TXK: variants seen among roughly 807,000 people sequenced by gnomAD.
TXK encodes the protein tyrosine-protein kinase TXK.
In TXK, 60 loss-of-function variants were observed where a neutral mutation model predicts 81.0. That is an observed-to-expected ratio of 0.74 (90% CI 0.60 to 0.92). The LOEUF (loss-of-function observed/expected upper bound fraction) is 0.92. TXK is among the 40% of genes least tolerant of loss of function. TXK has a pLI of 0.00. For missense variants in TXK, 581 were observed against 638.3 expected, an observed-to-expected ratio of 0.91 and a Z score of 0.97; for synonymous variants, 203 against 210.7, an observed-to-expected ratio of 0.96 and a Z score of 0.32.
At chr4:48,133,719 A>G (rs1719303844) in intron 1 of TXK, among the ~76,000 whole-genome samples, 1 of 152,180 alleles carries the variant, frequency 6.6e-6, no homozygotes, top group African/African-American at 2.4e-5. Flanking sequence ...TGCCTTAAAT[A>G]TAGATATTTA....
chr4:48,089,244 T>A (rs1410274595), intron 9 of TXK: 1 of 152,192 alleles, frequency 6.6e-6, no homozygotes. Context: ...CGGAAGCATT[T>A]CTCCCCAAAG....
intron 1 of TXK, among the ~76,000 whole-genome samples, chr4:48,127,942 G>C (rs1025725385): frequency 6.6e-6 from 1 of 152,156 alleles, no homozygotes; most frequent in African/African-American, 2.4e-5. Flanking sequence ...ATTGGGAACA[G>C]GTTTCCACCA....
At chr4:48,072,192 C>A (rs532538381) in intron 13 of TXK, among the ~76,000 whole-genome samples, 1 of 152,052 alleles carries the variant, frequency 6.6e-6, no homozygotes, top group East Asian at 1.9e-4. Context: ...TTAGTAGAGG[C>A]GGGGTTTCAC....
intron 8 of TXK, 96 bp downstream of exon 8, chr4:48,093,981 G>T: frequency 6.8e-7 from 1 of 1,465,216 alleles, no homozygotes; most frequent in Non-Finnish European, 9.5e-7. Context: ...TATTTCTATA[G>T]GGAGATTTGC....
At chr4:48,091,377 G>T (rs1191729680) in intron 8 of TXK, among the ~76,000 whole-genome samples, 1 of 152,180 alleles carries the variant, frequency 6.6e-6, no homozygotes, top group Non-Finnish European at 1.5e-5. Flanking sequence ...CACTGCAGAG[G>T]TAAGCAGTAT....
At chr4:48,070,229 A>G (rs1443198353) in intron 14 of TXK, among the ~76,000 whole-genome samples, 1 of 152,228 alleles carries the variant, frequency 6.6e-6, no homozygotes, top group Non-Finnish European at 1.5e-5. Context: ...TGAGAAGGGC[A>G]GGGGTGTGTT....
chr4:48,107,671 T>A (rs1187242026), intron 5 of TXK, among the ~76,000 whole-genome samples: 7 of 151,986 alleles, frequency 4.6e-5, no homozygotes, highest in Non-Finnish European at 1.0e-4. Context: ...AAGCCCAGCA[T>A]CCATTAGCTC....
chr4:48,130,389 A>C (rs1047743778), intron 1 of TXK, among the ~76,000 whole-genome samples: 1 of 152,162 alleles, frequency 6.6e-6, no homozygotes, highest in Admixed American at 6.5e-5. Context: ...GAGCTGGAGA[A>C]TACACTTCTA....
chr4:48,117,848 T>C (rs1476259656), intron 1 of TXK, among the ~76,000 whole-genome samples: 1 of 152,200 alleles, frequency 6.6e-6, no homozygotes, highest in African/African-American at 2.4e-5. Flanking sequence ...TAAAAGGCCA[T>C]TCTTCTGTTT....
At chr4:48,099,568 A>G (rs1319433547) in intron 6 of TXK, among the ~76,000 whole-genome samples, 1 of 152,214 alleles carries the variant, frequency 6.6e-6, no homozygotes, top group African/African-American at 2.4e-5. Flanking sequence ...AAATGAGACA[A>G]GGTGATTCTG....
At chr4:48,075,072 C>A (rs1717013276) in intron 12 of TXK, among the ~76,000 whole-genome samples, 1 of 151,682 alleles carries the variant, frequency 6.6e-6, no homozygotes. Flanking sequence ...CTTTTTCCCC[C>A]AAAAAGAGGA....
chr4:48,084,291 G>T (rs780467858), intron 10 of TXK, among the ~76,000 whole-genome samples: 1 of 151,248 alleles, frequency 6.6e-6, no homozygotes, highest in African/African-American at 2.4e-5. Context: ...ACAGGGTTTC[G>T]CCATGTTACC....
intron 8 of TXK, 106 bp from the exon 9 acceptor site, chr4:48,089,930 A>C: frequency 1.3e-6 from 1 of 751,662 alleles, no homozygotes; most frequent in Non-Finnish European, 2.1e-6. Flanking sequence ...AGACAAACAA[A>C]ATTCATTCTA....
intron 14 of TXK, among the ~76,000 whole-genome samples, chr4:48,068,676 GT>G (rs1716702946): frequency 6.6e-6 from 1 of 152,164 alleles, no homozygotes; most frequent in Admixed American, 6.5e-5. Flanking sequence ...TAGGGGTGTG[GT>G]TTAGCTCTGA....
Position 48,107,133 on chromosome 4 carries a change from G to C in TXK, c.447-2178C>G, listed in dbSNP as rs568895164. The stretch of plus-strand genomic sequence containing the variant: ...TTTAATTAACTGAGCTTATAAATAG[G>C]ACTGATTGTTTAAGGATATCTAGTA... On this transcript the variant is annotated intron_variant, in intron 5 of 14. Transcript: ENST00000264316. Among the ~76,000 whole-genome samples the C allele has an allele frequency of 9.3e-5, 14 of 151,034 alleles. No individual in the cohort carries two copies. The South Asian group carries it at 2.9e-3, about 32-fold the overall frequency.
In TXK at chr4:48,094,588, A is replaced by G. The variant is rs149963260; in HGVS notation, c.582-384T>C. Among the ~76,000 whole-genome samples the G allele has an allele frequency of 8.9e-4, 136 of 152,362 alleles. 2 individuals are homozygous for G. The East Asian group carries it at 0.024, about 27-fold the overall frequency. ...ACCAATGCCAGGTGCATTAGTTAGTAGGTTACTACTATGGGCAATTGGGGC... is the reference window on the plus strand; with the variant it reads ...ACCAATGCCAGGTGCATTAGTTAGTGGGTTACTACTATGGGCAATTGGGGC... On this transcript the variant is annotated intron_variant, in intron 7 of 14. Coordinates refer to ENST00000264316, the MANE Select transcript of TXK (RefSeq NM_003328.3).
intron 13 of TXK, among the ~76,000 whole-genome samples, chr4:48,073,525 T>C (rs1716946018): frequency 6.6e-6 from 1 of 152,208 alleles, no homozygotes; most frequent in South Asian, 2.1e-4. Flanking sequence ...AGGTTTTAAG[T>C]TCAGGTTAAC....
chr4:48,086,711 G>T, intron 9 of TXK, 74 bp from the exon 10 acceptor site: 1 of 1,397,904 alleles, frequency 7.2e-7, no homozygotes, highest in Non-Finnish European at 1.0e-6. Context: ...AAATGTTTAG[G>T]AAGTATCTAT....
intron 5 of TXK, among the ~76,000 whole-genome samples, chr4:48,105,430 G>C (rs1718421103): frequency 6.6e-6 from 1 of 152,112 alleles, no homozygotes; most frequent in Non-Finnish European, 1.5e-5. Context: ...TCATAGTATA[G>C]TCAGTAGTTA....
Sources: gnomAD v4.1 joint callset for allele counts (sites outside exome capture counted in the v4.1 genomes callset) on GRCh38, gnomAD v4.1.1 for gene constraint, MANE v1.5 for transcripts, NCBI Gene and HGNC (gene_info 2026-07-23, HGNC 2026-07-21) for gene names.